Variants in ACACA observed in about 807,000 individuals in gnomAD.
ACACA encodes the protein acetyl-CoA carboxylase alpha, also known as acetyl-CoA carboxylase 1.
Under a neutral mutation model 296.1 loss-of-function variants are expected in ACACA, and 103 were observed. That is an observed-to-expected ratio of 0.35 (90% CI 0.30 to 0.41). The LOEUF (loss-of-function observed/expected upper bound fraction) is 0.41, where lower values mean the gene tolerates loss of function less well. Ranked by LOEUF, ACACA falls within the 10% of genes least tolerant of loss-of-function variation. The pLI, the probability that ACACA is intolerant of heterozygous loss-of-function variation, is 1.00. For missense variants in ACACA, 1,554 were observed against 2,989.7 expected (o/e 0.52, Z 11.20); for synonymous variants, 953 against 1,038.6 (o/e 0.92, Z 1.58).
chr17:37,242,067 A>T lies in ACACA; in HGVS notation c.2932-14T>A, dbSNP rs1264110711. On this transcript the variant is annotated splice_polypyrimidine_tract_variant and intron_variant, in intron 22 of 55. Transcript: ENST00000616317. ...GATGTTTGCAATCTAAGGTATAAAA[A>T]AGGGAAAAAAATGAGGCCCAACCCA... The T allele has an allele frequency of 1.9e-6, 3 of 1,610,928 alleles. No homozygotes were observed. The highest frequency in any genetic ancestry group is 1.7e-5 in the Admixed American group (1 of 59,992).
intron 3 of ACACA, among the ~76,000 whole-genome samples, chr17:37,304,489 T>C (rs2083774147): frequency 6.6e-6 from 1 of 152,104 alleles, no homozygotes; most frequent in African/African-American, 2.4e-5. Flanking sequence ...ATTGTTGTCA[T>C]GCTTAAAAAA....
At chr17:37,295,575 G>C (rs552902624) in intron 3 of ACACA, among the ~76,000 whole-genome samples, 4 of 152,118 alleles carry the variant, frequency 2.6e-5, no homozygotes, top group African/African-American at 9.6e-5. Context: ...GATAACATGA[G>C]GTCAGGAGTT....
intron 42 of ACACA, among the ~76,000 whole-genome samples, chr17:37,156,315 G>A (rs1003702812): frequency 9.2e-5 from 14 of 151,894 alleles, no homozygotes; most frequent in Non-Finnish European, 2.1e-4. Flanking sequence ...CGCCCGCCTC[G>A]GCCTCCCAAA....
intron 50 of ACACA, among the ~76,000 whole-genome samples, chr17:37,116,156 CTAATTTT>C (rs1412857448): frequency 6.6e-6 from 1 of 151,806 alleles, no homozygotes; most frequent in Non-Finnish European, 1.5e-5. Flanking sequence ...CCATGCGCAG[CTAATTTT>C]TGTATTTTTT....
At chr17:37,394,507 G>A (rs1471186773) in intron 1 of ACACA, among the ~76,000 whole-genome samples, 4 of 151,890 alleles carry the variant, frequency 2.6e-5, no homozygotes, top group African/African-American at 9.7e-5. Context: ...GTGAGCCACT[G>A]TGCCTAGCCT....
intron 1 of ACACA, among the ~76,000 whole-genome samples, chr17:37,358,335 G>C (rs185453444): frequency 6.6e-6 from 1 of 152,136 alleles, no homozygotes; most frequent in South Asian, 2.1e-4. Flanking sequence ...AGCTTCCTAC[G>C]TCCTATTTCC....
chr17:37,204,475 C>T (rs1417911640), intron 33 of ACACA, among the ~76,000 whole-genome samples: 1 of 152,166 alleles, frequency 6.6e-6, no homozygotes, highest in Non-Finnish European at 1.5e-5. Context: ...CAATTCCTGA[C>T]TTATCTAACC....
rs1159746657 is a variant in ACACA, at chr17:37,113,448, A to T, written c.6275-183T>A. Among the ~76,000 whole-genome samples, 1 of 152,210 alleles carries T rather than the reference A, an allele frequency of 6.6e-6. No individual in the cohort carries two copies. The highest frequency in any genetic ancestry group is 1.5e-5 in the Non-Finnish European group (1 of 68,032). ...ATTCAAGACTCCAGAGGATCTTCAA[A>T]AGCACAAGACAGCAACAGAGAGATG... On this transcript the variant is annotated intron_variant, in intron 50 of 55. Transcript: ENST00000616317. This position sits in a 1 kb window ranked among gnomAD's most constrained non-coding sequence, Gnocchi z 4.0.
intron 1 of ACACA, among the ~76,000 whole-genome samples, chr17:37,361,927 C>A (rs1382803489): frequency 3.3e-5 from 5 of 152,196 alleles, no homozygotes; most frequent in Non-Finnish European, 7.3e-5. Context: ...TCCCAAAATT[C>A]ATTTGTTGAA....
chr17:37,090,406 A>G (rs117340421), intron 54 of ACACA, among the ~76,000 whole-genome samples: 1 of 152,294 alleles, frequency 6.6e-6, no homozygotes, highest in East Asian at 1.9e-4. Context: ...TCCGGGGACT[A>G]AGGATCAGCA....
chr17:37,319,396 C>T (rs1027765519), intron 3 of ACACA, among the ~76,000 whole-genome samples: 2 of 152,018 alleles, frequency 1.3e-5, no homozygotes, highest in Non-Finnish European at 2.9e-5. Context: ...TGAATATATA[C>T]ATATATGCAT....
intron 41 of ACACA, among the ~76,000 whole-genome samples, chr17:37,162,264 T>A (rs2144450369): frequency 6.6e-6 from 1 of 152,340 alleles, no homozygotes; most frequent in East Asian, 1.9e-4. Context: ...ATTTCAAAAC[T>A]GTCTCAATTC....
intron 10 of ACACA, among the ~76,000 whole-genome samples, chr17:37,269,235 A>G (rs533624101): frequency 6.6e-6 from 1 of 152,278 alleles, no homozygotes; most frequent in South Asian, 2.1e-4. Flanking sequence ...TAGACTCCCA[A>G]AGTGCTAGGA....
intron 33 of ACACA, among the ~76,000 whole-genome samples, chr17:37,205,505 G>A (rs949529855): frequency 6.6e-6 from 1 of 152,136 alleles, no homozygotes; most frequent in Non-Finnish European, 1.5e-5. Context: ...CAAGACTGGA[G>A]CTCTGGGAGA....
At chr17:37,304,732 G>A (rs2083788972) in intron 3 of ACACA, among the ~76,000 whole-genome samples, 1 of 151,720 alleles carries the variant, frequency 6.6e-6, no homozygotes, top group African/African-American at 2.4e-5. Flanking sequence ...AGAGGTTGCG[G>A]TGACCAAGAT....
rs1688564776 is a variant in ACACA, at chr17:37,085,160, A to T, written c.*2156T>A. The T allele has an allele frequency of 6.4e-6, 1 of 156,018 alleles. No homozygotes were observed. The highest frequency in any genetic ancestry group is 2.1e-4 in the South Asian group (1 of 4,878). 9.7% of individuals were successfully genotyped at this position (156,018 alleles called of 1,614,324 possible). A position where few individuals can be genotyped will look rare whatever the true frequency, so the allele number is the denominator to read the frequency against. ...TCCGTCCAAGCAGGTCTTGGTCAAT[A>T]TCCATCATTTATACTCCTCCTGCCT... On this transcript the variant is annotated 3_prime_UTR_variant, in exon 56 of 56. Coordinates refer to ENST00000616317, the MANE Select transcript of ACACA (RefSeq NM_198834.3).
At chr17:37,248,798 T>A in intron 16 of ACACA, 124 bp from the exon 17 acceptor site, 1 of 674,232 alleles carries the variant, frequency 1.5e-6, no homozygotes, top group Non-Finnish European at 2.7e-6. Context: ...AATACCTAAA[T>A]GATCGTTTGT....
intron 3 of ACACA, among the ~76,000 whole-genome samples, chr17:37,308,319 G>C (rs1157796148): frequency 6.6e-6 from 1 of 152,084 alleles, no homozygotes; most frequent in Admixed American, 6.6e-5. Flanking sequence ...ATTTATGAGT[G>C]AATACAGAGA....
chr17:37,229,766 G>A (rs1394061621), intron 25 of ACACA, among the ~76,000 whole-genome samples: 1 of 151,788 alleles, frequency 6.6e-6, no homozygotes, highest in East Asian at 1.9e-4. Context: ...GCGAACTATG[G>A]AGATTAGAAA....
Sources: gnomAD v4.1 joint callset for allele counts (sites outside exome capture counted in the v4.1 genomes callset) on GRCh38, gnomAD v4.1.1 for gene constraint, Gnocchi (gnomAD v3.1) non-coding constraint, MANE v1.5 for transcripts, NCBI Gene and HGNC (gene_info 2026-07-23, HGNC 2026-07-21) for gene names.